SPAG6: variants seen among roughly 807,000 people sequenced by gnomAD.
SPAG6 encodes the protein sperm-associated antigen 6.
Under a neutral mutation model 58.5 loss-of-function variants are expected in SPAG6, and 49 were observed. That is an observed-to-expected ratio of 0.84 (90% confidence interval 0.67 to 1.06). SPAG6 has a LOEUF of 1.06. Among genes scored for constraint, SPAG6 ranks in the 50% least tolerant of loss-of-function variants. The probability of loss-of-function intolerance (pLI) is 0.00; values close to 1 mark genes in which losing one functional copy is unlikely to be tolerated. For missense variants in SPAG6, 560 were observed against 611.3 expected, an observed-to-expected ratio of 0.92 and a Z score of 0.89; for synonymous variants, 233 against 225.6, an observed-to-expected ratio of 1.03 and a Z score of -0.29.
intron 2 of SPAG6, chr10:22,361,016 TA>T: frequency 1.7e-6 from 1 of 591,768 alleles, no homozygotes; most frequent in Non-Finnish European, 3.0e-6. Flanking sequence ...GTGTAAGAGG[TA>T]AAAACATGTC....
chr10:22,375,073 A>G (rs1833785715), intron 4 of SPAG6, among the ~76,000 whole-genome samples: 1 of 152,254 alleles, frequency 6.6e-6, no homozygotes, highest in South Asian at 2.1e-4. Flanking sequence ...ATGGATAAAG[A>G]GAAGGATATT....
At chr10:22,382,318 C>T (rs774593874) in intron 4 of SPAG6, among the ~76,000 whole-genome samples, 15 of 151,948 alleles carry the variant, frequency 9.9e-5, no homozygotes, top group Non-Finnish European at 1.8e-4. Flanking sequence ...TCAGATTTGG[C>T]GACTGTACAT....
chr10:22,362,587 G>A (rs1335782622), intron 2 of SPAG6, among the ~76,000 whole-genome samples: 2 of 151,624 alleles, frequency 1.3e-5, no homozygotes, highest in African/African-American at 4.8e-5. Flanking sequence ...ACAAAAAAAT[G>A]AAAAAAATTA....
At chr10:22,409,251 A>G (rs1588564716) in intron 9 of SPAG6, among the ~76,000 whole-genome samples, 1 of 152,380 alleles carries the variant, frequency 6.6e-6, no homozygotes, top group East Asian at 1.9e-4. Context: ...GGGGACAGAG[A>G]TAGGAAGTAA....
At chr10:22,351,798 C>G (rs918322681) in intron 2 of SPAG6, among the ~76,000 whole-genome samples, 2 of 152,082 alleles carry the variant, frequency 1.3e-5, no homozygotes, top group African/African-American at 4.8e-5. Flanking sequence ...AAAGTGAAAT[C>G]TTGATTTTCC....
intron 3 of SPAG6, among the ~76,000 whole-genome samples, chr10:22,368,048 C>T (rs1837246725): frequency 6.6e-6 from 1 of 152,118 alleles, no homozygotes; most frequent in Non-Finnish European, 1.5e-5. Context: ...TCATGAAAGG[C>T]CTACCATGCT....
intron 9 of SPAG6, among the ~76,000 whole-genome samples, chr10:22,403,931 T>A (rs890601384): frequency 6.6e-6 from 1 of 151,748 alleles, no homozygotes; most frequent in Non-Finnish European, 1.5e-5. Context: ...CATAAATGTC[T>A]TCTTTTGAGA....
intron 2 of SPAG6, among the ~76,000 whole-genome samples, chr10:22,363,095 T>C (rs1018276425): frequency 2.0e-5 from 3 of 152,186 alleles, no homozygotes; most frequent in Admixed American, 2.0e-4. Context: ...GTGGTGATGT[T>C]CACGCAACAT....
chr10:22,368,723 C>T, intron 4 of SPAG6, 45 bp downstream of exon 4: 1 of 1,467,788 alleles, frequency 6.8e-7, no homozygotes, highest in African/African-American at 1.4e-5. Context: ...AGGATTATTA[C>T]AATTCAGATT....
chr10:22,403,821 G>A (rs1345122140), intron 9 of SPAG6, among the ~76,000 whole-genome samples: 23 of 146,802 alleles, frequency 1.6e-4, no homozygotes, highest in African/African-American at 4.6e-4. Flanking sequence ...TTTAATGATC[G>A]CCATTCTAAC....
rs1588568570 is a variant in SPAG6 at position 22,412,583 on chromosome 10, A to G, written c.1460+1407A>G. ...AAAGCAGTGATATATCATAACATGTATAATTAGTCTACATATAACACTCTG... is the reference window on the plus strand; with the variant it reads ...AAAGCAGTGATATATCATAACATGTGTAATTAGTCTACATATAACACTCTG... On this transcript the variant is annotated intron_variant, in intron 10 of 10. Coordinates refer to ENST00000376624, the MANE Select transcript of SPAG6 (RefSeq NM_012443.4). 5.6e-6 allele frequency: 5 copies of G among 887,124 alleles called. No individual in the cohort carries two copies. The East Asian group carries it at 1.1e-4, about 19-fold the overall frequency. 55.0% of individuals were successfully genotyped at this position (887,124 alleles called of 1,614,324 possible).
chr10:22,386,645 G>A (rs1350251554), intron 4 of SPAG6, 109 bp from the exon 5 acceptor site: 5 of 791,556 alleles, frequency 6.3e-6, no homozygotes, highest in Admixed American at 5.8e-5. Context: ...TGTTGAGAGA[G>A]TGAAGTACAC....
At chr10:22,396,870 AG>A (rs1834305230) in intron 8 of SPAG6, among the ~76,000 whole-genome samples, 1 of 152,182 alleles carries the variant, frequency 6.6e-6, no homozygotes, top group Non-Finnish European at 1.5e-5. Context: ...TGCCCTCAAT[AG>A]ATAGCCCAGG....
intron 9 of SPAG6, among the ~76,000 whole-genome samples, chr10:22,408,510 C>T (rs370619904): frequency 2.2e-4 from 33 of 147,916 alleles, no homozygotes; most frequent in Admixed American, 5.3e-4. Context: ...TCTCCAGCTG[C>T]GTGCTGGGAG....
At position 22,406,710 on chromosome 10, in the gene SPAG6, G is replaced by A. The variant is rs969552055; in HGVS notation, c.1315-4321G>A. 8.5e-5 allele frequency among the ~76,000 whole-genome samples: 13 copies of A among 152,248 alleles called. 1 individual carries two copies. The highest frequency in any genetic ancestry group is 2.4e-4 in the African/African-American group (10 of 41,556). On this transcript the variant is annotated intron_variant, in intron 9 of 10. Transcript: ENST00000376624. ...GGTTTCCTTGTTTACTTTCTGTCTC[G>A]TTGATCTGTCTGTGTTGACAGTGGG...
intron 4 of SPAG6, among the ~76,000 whole-genome samples, chr10:22,369,707 G>C (rs1399774152): frequency 6.6e-6 from 1 of 152,132 alleles, no homozygotes; most frequent in Non-Finnish European, 1.5e-5. Flanking sequence ...TTGTTGTGAG[G>C]ATGATGACAC....
chr10:22,392,863 T>C (rs917221858), intron 8 of SPAG6, among the ~76,000 whole-genome samples: 2 of 152,136 alleles, frequency 1.3e-5, no homozygotes, highest in Non-Finnish European at 2.9e-5. Flanking sequence ...TTATGTATAT[T>C]TGGTCATGTT....
chr10:22,396,035 C>A (rs1220833418), intron 8 of SPAG6, among the ~76,000 whole-genome samples: 1 of 152,118 alleles, frequency 6.6e-6, no homozygotes, highest in Non-Finnish European at 1.5e-5. Flanking sequence ...GGCTGGGAAG[C>A]CTCATGAAAC....
chr10:22,385,914 T>C (rs948098128), intron 4 of SPAG6, among the ~76,000 whole-genome samples: 1 of 152,164 alleles, frequency 6.6e-6, no homozygotes, highest in Non-Finnish European at 1.5e-5. Context: ...GTGAATACAA[T>C]GTGAGTAGAA....
Sources: allele counts gnomAD v4.1 joint callset (sites outside exome capture counted in the v4.1 genomes callset), GRCh38; gene constraint gnomAD v4.1.1; transcripts MANE v1.5; gene names NCBI Gene and HGNC (gene_info 2026-07-23, HGNC 2026-07-21).